Variants in NRAS observed in about 807,000 individuals in gnomAD.
The protein encoded by NRAS is GTPase NRas.
NRAS carries 6 observed loss-of-function variants against 21.3 expected under a neutral mutation model. That is an observed-to-expected ratio of 0.28 (90% CI 0.15 to 0.56). NRAS has a LOEUF of 0.56. Among genes scored for constraint, NRAS ranks in the 20% least tolerant of loss-of-function variants. The probability of loss-of-function intolerance (pLI) is 0.93; values close to 1 mark genes in which losing one functional copy is unlikely to be tolerated. For synonymous variants in NRAS, 84 were observed against 82.0 expected (o/e 1.02, Z -0.13); for missense variants, 143 against 231.3 (o/e 0.62, Z 2.48).
Position 114,709,739 on chromosome 1 carries a change from GAATAT to G in NRAS, c.291-16_291-12del. The G allele has an allele frequency of 6.2e-7, 1 of 1,607,854 alleles. No homozygotes were observed. Among genetic ancestry groups the G allele is most frequent in the Non-Finnish European group, 8.5e-7 (1 of 1,174,364 alleles). On this transcript the variant is annotated splice_polypyrimidine_tract_variant and intron_variant, in intron 3 of 6. Transcript: ENST00000369535. ...CGCTTAATCTGCTCCCTAAAAACGGGAATATATTATCAGAACATAAGAAAAACAAG... is the reference window on the plus strand; with the variant it reads ...CGCTTAATCTGCTCCCTAAAAACGGGATTATCAGAACATAAGAAAAACAAG...
chr1:114,709,450 T>TA (rs1658991605), intron 4 of NRAS, 119 bp downstream of exon 4: 5 of 873,804 alleles, frequency 5.7e-6, no homozygotes, highest in African/African-American at 3.4e-5. Context: ...AAATAAAAAA[T>TA]AAAAAAATAA....
At chr1:114,708,264 A>G (rs1036948891) in intron 5 of NRAS, 72 bp from the exon 6 acceptor site, 7 of 445,736 alleles carry the variant, frequency 1.6e-5, no homozygotes, top group East Asian at 1.5e-4. Context: ...ATTCCTGGTC[A>G]TTGCCAGGAA....
At position 114,709,739 on chromosome 1, in the gene NRAS, G is replaced by T. The variant is rs1430902920; in HGVS notation, c.291-11C>A. 3 of 1,607,854 alleles carry T rather than the reference G, an allele frequency of 1.9e-6. No individual in the cohort carries two copies. Among genetic ancestry groups the T allele is most frequent in the Admixed American group, 1.7e-5 (1 of 59,998 alleles). ...CGCTTAATCTGCTCCCTAAAAACGG[G>T]AATATATTATCAGAACATAAGAAAA... is the stretch of plus-strand genomic sequence containing the variant. On this transcript the variant is annotated splice_polypyrimidine_tract_variant and intron_variant, in intron 3 of 6. Transcript: ENST00000369535.
At chr1:114,710,204 CA>C (rs1257798141) in intron 3 of NRAS, among the ~76,000 whole-genome samples, 4 of 111,572 alleles carry the variant, frequency 3.6e-5, no homozygotes, top group Admixed American at 1.2e-4. Context: ...CAACCCCCCC[CA>C]AAAAATATAT....
chr1:114,713,756 G>C (rs747960131), intron 3 of NRAS, 44 bp downstream of exon 3: 1 of 1,510,086 alleles, frequency 6.6e-7, no homozygotes. Context: ...TAAAGATTCA[G>C]AACACAAAGA....
intron 2 of NRAS, among the ~76,000 whole-genome samples, chr1:114,715,399 A>G (rs544755403): frequency 1.3e-5 from 2 of 152,338 alleles, no homozygotes. Flanking sequence ...TAATAACAAT[A>G]GAATCCCTAA....
chr1:114,705,406 T>C lies in NRAS; in HGVS notation c.*2688A>G, dbSNP rs1180282601. ...TTCAGACAGAACATCTTATTTTCAC[T>C]CTTGAACATGTAACCTTTAAAAAAA... On this transcript the variant is annotated 3_prime_UTR_variant, in exon 7 of 7. Transcript: ENST00000369535. The C allele has an allele frequency of 6.6e-6, 1 of 152,196 alleles. No homozygotes were observed. The highest frequency in any genetic ancestry group is 1.5e-5 in the Non-Finnish European group (1 of 68,034). 9.4% of individuals were successfully genotyped at this position (152,196 alleles called of 1,614,324 possible). A position where few individuals can be genotyped will look rare whatever the true frequency, so the allele number is the denominator to read the frequency against.
chr1:114,716,262 C>G, intron 1 of NRAS, 85 bp from the exon 2 acceptor site: 1 of 826,626 alleles, frequency 1.2e-6, no homozygotes. Flanking sequence ...AAATGAAAAC[C>G]CTAGTGTGAC....
chr1:114,716,465 A>G (rs762803180), intron 1 of NRAS, among the ~76,000 whole-genome samples, 193 bp downstream of exon 1: 17 of 151,966 alleles, frequency 1.1e-4, no homozygotes, highest in Non-Finnish European at 2.4e-4. Flanking sequence ...CTCTAGCAGG[A>G]AGCCTCCAGG....
chr1:114,710,843 G>T (rs1570872578), intron 3 of NRAS, among the ~76,000 whole-genome samples: 1 of 152,184 alleles, frequency 6.6e-6, no homozygotes, highest in South Asian at 2.1e-4. Context: ...ATTCTCCAAA[G>T]AGCTTGGCTC....
intron 3 of NRAS, among the ~76,000 whole-genome samples, chr1:114,713,063 T>C (rs1004224347): frequency 1.7e-4 from 26 of 152,358 alleles, no homozygotes; most frequent in Middle Eastern, 6.8e-3. Context: ...ACTAGAATTT[T>C]TATGGTCCAA....
intron 5 of NRAS, 93 bp downstream of exon 5, chr1:114,708,437 CA>C (rs1223478261): frequency 1.6e-6 from 2 of 1,232,170 alleles, no homozygotes; most frequent in Non-Finnish European, 1.2e-6. Context: ...GGCAGAAACT[CA>C]AAAAACATAT....
intron 3 of NRAS, among the ~76,000 whole-genome samples, chr1:114,711,293 T>C (rs1659037513): frequency 6.6e-6 from 1 of 151,634 alleles, no homozygotes; most frequent in Non-Finnish European, 1.5e-5. Context: ...AGAGGGAGAC[T>C]CCATCTCTAA....
rs1457393346 is a variant in NRAS, at chr1:114,707,714, T to C, written c.*380A>G. ...AAAAAATCACCAGCAGTTGCTACTTTAGAGCTCAAGACACTGTTTTCAATA... is the reference window on the plus strand; with the variant it reads ...AAAAAATCACCAGCAGTTGCTACTTCAGAGCTCAAGACACTGTTTTCAATA... On this transcript the variant is annotated 3_prime_UTR_variant, in exon 7 of 7. Transcript: ENST00000369535. 1 of 152,656 alleles carries C rather than the reference T, an allele frequency of 6.6e-6. No homozygotes were observed. Among genetic ancestry groups the C allele is most frequent in the Non-Finnish European group, 1.5e-5 (1 of 68,046 alleles). 9.5% of individuals were successfully genotyped at this position (152,656 alleles called of 1,614,324 possible).
intron 2 of NRAS, among the ~76,000 whole-genome samples, chr1:114,715,518 T>C (rs571900286): frequency 1.1e-3 from 170 of 152,306 alleles, no homozygotes; most frequent in African/African-American, 3.9e-3. Context: ...ATTTAAAACA[T>C]GAGGAAAATG....
rs1475139479 is a variant in NRAS at position 114,704,706 on chromosome 1, C to T, written c.*3388G>A. ...CAAAAAAATAAAAGTCTTACAACTT[C>T]CACGGACATCCTCCCCTCCCTCCAG... On this transcript the variant is annotated 3_prime_UTR_variant, in exon 7 of 7. Coordinates refer to ENST00000369535, the MANE Select transcript of NRAS (RefSeq NM_002524.5). 3 of 152,212 alleles carry T rather than the reference C, an allele frequency of 2.0e-5. No individual in the cohort carries two copies. Among genetic ancestry groups the T allele is most frequent in the Non-Finnish European group, 4.4e-5 (3 of 68,028 alleles). The allele number at this position is 152,212 out of a possible 1,614,324, so 9.4% of individuals were successfully genotyped here.
Position 114,716,092 on chromosome 1 carries a change from T to C in NRAS, c.69A>G (p.Leu23=), listed in dbSNP as rs771113899. ...ATTCATCTACAAAGTGGTTCTGGAT[T>C]AGCTGGATTGTCAGTGCGCTTTTCC... is the stretch of plus-strand genomic sequence containing the variant. ...GVGKSALTIQ[L]IQNHFVDEYD... The change falls in exon 2 of 7, where the codon CTA becomes CTG. Residue 23 remains leucine (L), a synonymous_variant. Transcript: ENST00000369535. 4.3e-6 allele frequency: 7 copies of C among 1,614,090 alleles called. No homozygotes were observed. Among genetic ancestry groups the C allele is most frequent in the African/African-American group, 1.3e-5 (1 of 75,050 alleles).
chr1:114,708,759 C>T, intron 4 of NRAS, 105 bp from the exon 5 acceptor site: 1 of 1,012,502 alleles, frequency 9.9e-7, no homozygotes, highest in Admixed American at 2.1e-5. Flanking sequence ...ACATAAGATT[C>T]CAATTACTAA....
chr1:114,715,756 C>A (rs185318980), intron 2 of NRAS, among the ~76,000 whole-genome samples: 99 of 152,284 alleles, frequency 6.5e-4, no homozygotes, highest in African/African-American at 2.3e-3. Flanking sequence ...CTACTATGGC[C>A]TGTGTTTCTC....
Sources: gnomAD v4.1 joint callset for allele counts (sites outside exome capture counted in the v4.1 genomes callset) on GRCh38, gnomAD v4.1.1 for gene constraint, MANE v1.5 for transcripts, NCBI Gene and HGNC (gene_info 2026-07-23, HGNC 2026-07-21) for gene names.